Variants in ATRX observed in about 807,000 individuals in gnomAD.
ATRX encodes ATRX chromatin remodeler.
ATRX carries 12 observed loss-of-function variants against 172.6 expected under a neutral mutation model. The observed-to-expected ratio is 0.07, with a 90% confidence interval of 0.04 to 0.11. The LOEUF is 0.11. Among genes scored for constraint, ATRX ranks in the 10% least tolerant of loss-of-function variants. ATRX has a pLI of 1.00. For missense variants in ATRX, 1,368 were observed against 1,767.4 expected, an observed-to-expected ratio of 0.77 and a Z score of 4.05; for synonymous variants, 674 against 594.7, an observed-to-expected ratio of 1.13 and a Z score of -1.94.
chrX:77,679,640 TAAGAA>T (rs1221996987), intron 9 of ATRX, among the ~76,000 whole-genome samples: 82 of 111,773 alleles, frequency 7.3e-4, no homozygotes, highest in African/African-American at 2.4e-3. Context: ...AGTGAGATCT[TAAGAA>T]AAGTAGTAAA....
intron 13 of ATRX, 84 bp downstream of exon 13, chrX:77,656,476 T>C (rs1557119922): frequency 1.3e-5 from 9 of 697,822 alleles, no homozygotes; most frequent in Non-Finnish European, 2.1e-5. Flanking sequence ...CTTAACTTTA[T>C]TGGTAACAGT....
chrX:77,782,845 A>G (rs2076614129), intron 1 of ATRX, among the ~76,000 whole-genome samples: 1 of 111,987 alleles, frequency 8.9e-6, no homozygotes, highest in Admixed American at 9.5e-5. Context: ...TTCTAGACAC[A>G]TCCTGGGCCA....
rs144796236 is a variant in ATRX, at chrX:77,750,391, G to A, written c.21-33148C>T. 4.3e-3 allele frequency among the ~76,000 whole-genome samples: 476 copies of A among 111,241 alleles called. 13 individuals are homozygous for A. In the East Asian group the frequency reaches 0.098, roughly 23 times the overall value. On this transcript the variant is annotated intron_variant, in intron 1 of 34. Transcript: ENST00000373344. Reference sequence around the variant, plus strand: ...TGCCCGGGGCAAAAGATACACAAACGTATAACACCACCTTTGAAAACAGAG... The same window carrying A: ...TGCCCGGGGCAAAAGATACACAAACATATAACACCACCTTTGAAAACAGAG...
At chrX:77,524,567 C>A (rs1468125791) in intron 30 of ATRX, among the ~76,000 whole-genome samples, 1 of 110,637 alleles carries the variant, frequency 9.0e-6, no homozygotes, top group East Asian at 2.8e-4. Flanking sequence ...AATCATGAGG[C>A]CCCAGGTTTT....
intron 1 of ATRX, among the ~76,000 whole-genome samples, chrX:77,726,269 C>T (rs376320580): frequency 4.5e-5 from 5 of 110,525 alleles, no homozygotes; most frequent in Non-Finnish European, 7.6e-5. Context: ...GTGGCACATA[C>T]ACACCATGGA....
chrX:77,535,862 C>T (rs372654276), intron 30 of ATRX, among the ~76,000 whole-genome samples: 2 of 108,015 alleles, frequency 1.9e-5, no homozygotes, highest in Admixed American at 9.9e-5. Context: ...GGATTACAGG[C>T]GCCTGCCACC....
chrX:77,540,869 G>A (rs1461918972), intron 30 of ATRX, among the ~76,000 whole-genome samples: 2 of 111,762 alleles, frequency 1.8e-5, no homozygotes, highest in East Asian at 5.6e-4. Context: ...CAGCAGGAAA[G>A]ATCTAAAATC....
At chrX:77,574,131 C>G in intron 28 of ATRX, 119 bp downstream of exon 28, 1 of 486,836 alleles carries the variant, frequency 2.1e-6, no homozygotes, top group Non-Finnish European at 3.5e-6. Context: ...TGTTTTGCAA[C>G]CTGACTGTAC....
chrX:77,708,391 T>C (rs1362598300), intron 2 of ATRX, among the ~76,000 whole-genome samples: 1 of 112,444 alleles, frequency 8.9e-6, no homozygotes. Flanking sequence ...CCAGGCGCAG[T>C]GGCTCACGCC....
intron 10 of ATRX, among the ~76,000 whole-genome samples, chrX:77,673,423 T>C (rs2070722201): frequency 9.0e-6 from 1 of 111,285 alleles, no homozygotes; most frequent in African/African-American, 3.2e-5. Flanking sequence ...ACATAAAGCC[T>C]AAGCTCTAAA....
intron 25 of ATRX, among the ~76,000 whole-genome samples, chrX:77,597,860 G>A (rs994305151): frequency 8.9e-6 from 1 of 112,100 alleles, no homozygotes. Context: ...TTAGTTCACC[G>A]CCTATGGAAG....
chrX:77,692,737 T>C (rs1325620838), intron 6 of ATRX, among the ~76,000 whole-genome samples: 1 of 111,588 alleles, frequency 9.0e-6, no homozygotes, highest in Non-Finnish European at 1.9e-5. Context: ...AAAATATATA[T>C]AGGCACCATT....
rs1300786619 is a variant in ATRX, at chrX:77,708,166, C to T, written c.133+8965G>A. On this transcript the variant is annotated intron_variant, in intron 2 of 34. Coordinates refer to ENST00000373344, the MANE Select transcript of ATRX (RefSeq NM_000489.6). Reference sequence around the variant, plus strand: ...GCCGCATTATTCCTAACAGCCAAAACATGGGAACAAGACAAATGTCCATCA... The same window carrying T: ...GCCGCATTATTCCTAACAGCCAAAATATGGGAACAAGACAAATGTCCATCA... Among the ~76,000 whole-genome samples, 5 of 112,061 alleles carry T rather than the reference C, an allele frequency of 4.5e-5. No homozygotes were observed. In the East Asian group the frequency reaches 1.4e-3, roughly 31 times the overall value.
intron 9 of ATRX, among the ~76,000 whole-genome samples, chrX:77,680,407 A>G (rs1352748478): frequency 8.9e-6 from 1 of 111,914 alleles, no homozygotes; most frequent in Non-Finnish European, 1.9e-5. Context: ...TTATTAAAAA[A>G]CAAGATTTTG....
intron 16 of ATRX, 85 bp from the exon 17 acceptor site, chrX:77,634,788 A>G: frequency 2.5e-6 from 2 of 787,793 alleles, no homozygotes; most frequent in Non-Finnish European, 1.9e-6. Context: ...ACATAACCAA[A>G]ACTTCTAAGA....
chrX:77,739,023 G>A (rs782172011), intron 1 of ATRX, among the ~76,000 whole-genome samples: 6 of 110,810 alleles, frequency 5.4e-5, no homozygotes, highest in Admixed American at 9.7e-5. Flanking sequence ...TGGGGAATAC[G>A]TGGTATTTGG....
chrX:77,581,912 C>T (rs1557074147), intron 27 of ATRX, among the ~76,000 whole-genome samples: 1 of 111,782 alleles, frequency 8.9e-6, no homozygotes, highest in Non-Finnish European at 1.9e-5. Flanking sequence ...TTAAACAACA[C>T]ATTCCTGAAT....
At chrX:77,636,122 C>T (rs2148362315) in intron 15 of ATRX, 66 bp from the exon 16 acceptor site, 1 of 1,136,407 alleles carries the variant, frequency 8.8e-7, no homozygotes, top group African/African-American at 1.8e-5. Flanking sequence ...TCAGTCTTAC[C>T]AAGGGAGATT....
rs781880417 is a variant in ATRX at position 77,724,169 on chromosome X, T to C, written c.21-6926A>G. ...GGTGCATGCCTGTAATCCCAGCTAC[T>C]TGGGAGGCTGAGGCAGGAGAATCAC... On this transcript the variant is annotated intron_variant, in intron 1 of 34. Transcript: ENST00000373344. 2.7e-5 allele frequency among the ~76,000 whole-genome samples: 3 copies of C among 109,600 alleles called. No homozygotes were observed. The South Asian group carries it at 1.2e-3, about 43-fold the overall frequency.
Sources: gnomAD v4.1 joint callset for allele counts (sites outside exome capture counted in the v4.1 genomes callset) on GRCh38, gnomAD v4.1.1 for gene constraint, MANE v1.5 for transcripts, NCBI Gene and HGNC (gene_info 2026-07-23, HGNC 2026-07-21) for gene names.